The following MGLL variants were observed in gnomAD, a reference collection of about 807,000 sequenced individuals.
MGLL encodes lysophospholipase homolog.
A neutral mutation model predicts 29.1 loss-of-function variants in MGLL; 7 were observed. The observed-to-expected ratio is 0.24, with a 90% CI of 0.14 to 0.45. The LOEUF is 0.45. Among genes scored for constraint, MGLL ranks in the 20% least tolerant of loss-of-function variants. The pLI, the probability that MGLL is intolerant of heterozygous loss-of-function variation, is 0.99. For synonymous variants in MGLL, 148 were observed against 168.3 expected (o/e 0.88, Z 0.93); for missense variants, 356 against 413.6 (o/e 0.86, Z 1.21).
intron 6 of MGLL, among the ~76,000 whole-genome samples, chr3:127,708,790 G>A (rs2075653601): frequency 6.6e-6 from 1 of 152,208 alleles, no homozygotes; most frequent in Non-Finnish European, 1.5e-5. Context: ...GGCAGGTGCA[G>A]GAGCCCCTGC....
At chr3:127,736,477 C>G (rs2076244623) in intron 3 of MGLL, 1 of 409,068 alleles carries the variant, frequency 2.4e-6, no homozygotes, top group Non-Finnish European at 3.3e-6. Context: ...CTGGAGACTT[C>G]AGCTTCATGC....
chr3:127,811,764 C>T (rs898161633), intron 2 of MGLL, among the ~76,000 whole-genome samples: 1 of 152,250 alleles, frequency 6.6e-6, no homozygotes, highest in African/African-American at 2.4e-5. Flanking sequence ...ACCACATGGA[C>T]AAGAACTGAG....
chr3:127,751,027 C>T (rs1354288701), intron 3 of MGLL, among the ~76,000 whole-genome samples: 1 of 152,172 alleles, frequency 6.6e-6, no homozygotes, highest in Non-Finnish European at 1.5e-5. Context: ...TGGCATTGCC[C>T]TGCCATAGCA....
intron 5 of MGLL, chr3:127,712,137 C>G (rs748588574): frequency 2.0e-5 from 3 of 152,240 alleles, no homozygotes; most frequent in Admixed American, 2.0e-4. Flanking sequence ...GCTGGGGGGC[C>G]GCTTTATCTT....
At chr3:127,753,324 G>A (rs916184334) in intron 3 of MGLL, among the ~76,000 whole-genome samples, 5 of 152,298 alleles carry the variant, frequency 3.3e-5, no homozygotes, top group African/African-American at 4.8e-5. Flanking sequence ...CCATAGTGAC[G>A]ATAATGTGCC....
chr3:127,702,551 AT>A (rs1221555823), intron 6 of MGLL, among the ~76,000 whole-genome samples: 2 of 152,258 alleles, frequency 1.3e-5, no homozygotes, highest in Non-Finnish European at 2.9e-5. Context: ...CTGCAGTGCC[AT>A]TTTGGACAGA....
intron 6 of MGLL, among the ~76,000 whole-genome samples, chr3:127,703,373 C>T (rs1437599427): frequency 6.6e-6 from 1 of 152,188 alleles, no homozygotes; most frequent in Non-Finnish European, 1.5e-5. Flanking sequence ...CACAGAACAG[C>T]AAAATCATGC....
chr3:127,786,538 A>T (rs1243246628), intron 2 of MGLL, among the ~76,000 whole-genome samples: 1 of 152,216 alleles, frequency 6.6e-6, no homozygotes, highest in Non-Finnish European at 1.5e-5. Context: ...CCTGCCTGGC[A>T]TCCAGCCCCA....
intron 3 of MGLL, among the ~76,000 whole-genome samples, chr3:127,737,556 C>T (rs1318727623): frequency 6.7e-6 from 1 of 148,866 alleles, no homozygotes; most frequent in Non-Finnish European, 1.5e-5. Context: ...CGCACTGGAA[C>T]ATCTGCCCGG....
At chr3:127,775,312 T>C (rs1438611205) in intron 3 of MGLL, among the ~76,000 whole-genome samples, 1 of 152,206 alleles carries the variant, frequency 6.6e-6, no homozygotes, top group Admixed American at 6.5e-5. Flanking sequence ...AGAAAAACGG[T>C]TAACACATTT....
intron 2 of MGLL, among the ~76,000 whole-genome samples, chr3:127,790,355 C>G (rs2077279523): frequency 6.6e-6 from 1 of 152,154 alleles, no homozygotes. Context: ...ACATTCTAAG[C>G]CATTTGACAG....
At chr3:127,697,064 G>A (rs921345457) in intron 6 of MGLL, among the ~76,000 whole-genome samples, 1 of 152,270 alleles carries the variant, frequency 6.6e-6, no homozygotes, top group African/African-American at 2.4e-5. Flanking sequence ...ATCCACACGA[G>A]ACAGATTAGC....
intron 2 of MGLL, among the ~76,000 whole-genome samples, chr3:127,798,268 G>A (rs73862354): frequency 6.6e-6 from 1 of 152,296 alleles, no homozygotes; most frequent in African/African-American, 2.4e-5. Context: ...GCAGGAGCCT[G>A]TTCAGGTTCT....
intron 2 of MGLL, among the ~76,000 whole-genome samples, chr3:127,793,336 C>T (rs528453527): frequency 1.3e-5 from 2 of 152,286 alleles, no homozygotes; most frequent in African/African-American, 4.8e-5. Flanking sequence ...GGCATAAATC[C>T]TAATAAGGGA....
At chr3:127,694,007 C>T (rs1479499580) in intron 7 of MGLL, among the ~76,000 whole-genome samples, 1 of 152,026 alleles carries the variant, frequency 6.6e-6, no homozygotes, top group Non-Finnish European at 1.5e-5. Context: ...TGAGGTGGCT[C>T]ACGCCTGCAA....
intron 3 of MGLL, among the ~76,000 whole-genome samples, chr3:127,746,552 G>C (rs1401043915): frequency 2.0e-5 from 3 of 152,200 alleles, no homozygotes; most frequent in Non-Finnish European, 2.9e-5. Context: ...TTTGGCTCCA[G>C]GTCCCACCCC....
At chr3:127,785,877 G>A (rs1357302021) in intron 2 of MGLL, among the ~76,000 whole-genome samples, 1 of 152,186 alleles carries the variant, frequency 6.6e-6, no homozygotes, top group African/African-American at 2.4e-5. Flanking sequence ...ACCATGAGGG[G>A]GTCGACAGAT....
intron 2 of MGLL, 101 bp from the exon 3 acceptor site, chr3:127,781,996 G>A (rs1229420603): frequency 1.8e-5 from 19 of 1,062,674 alleles, no homozygotes; most frequent in South Asian, 2.6e-5. Flanking sequence ...CGGGGCGGGC[G>A]GATTGCCTGA....
chr3:127,730,288 T>G (rs2076125619), intron 3 of MGLL, among the ~76,000 whole-genome samples: 1 of 152,030 alleles, frequency 6.6e-6, no homozygotes, highest in Non-Finnish European at 1.5e-5. Context: ...GCTGCTCTGA[T>G]GGTGTCGTGG....
Sources: allele counts gnomAD v4.1 joint callset (sites outside exome capture counted in the v4.1 genomes callset), GRCh38; gene constraint gnomAD v4.1.1; transcripts MANE v1.5; gene names NCBI Gene and HGNC (gene_info 2026-07-23, HGNC 2026-07-21).